Variants in PDE4D observed in about 807,000 individuals in gnomAD.
PDE4D encodes the protein 3',5'-cyclic-AMP phosphodiesterase 4D.
PDE4D carries 24 observed loss-of-function variants against 87.4 expected under a neutral mutation model. The observed-to-expected ratio is 0.27, with a 90% CI of 0.20 to 0.39. The LOEUF is 0.39. PDE4D is among the 10% of genes least tolerant of loss of function. The probability of loss-of-function intolerance (pLI) is 1.00; values close to 1 mark genes in which losing one functional copy is unlikely to be tolerated. For synonymous variants in PDE4D, 384 were observed against 383.2 expected, an observed-to-expected ratio of 1.00 and a Z score of -0.02; for missense variants, 714 against 1,041.0, an observed-to-expected ratio of 0.69 and a Z score of 4.32.
chr5:59,181,498 AAT>A (rs1483260226), intron 4 of PDE4D, among the ~76,000 whole-genome samples: 2 of 147,530 alleles, frequency 1.4e-5, no homozygotes, highest in African/African-American at 5.1e-5. Flanking sequence ...CAGCTTTTAA[AAT>A]ATAATGATTA....
At chr5:59,559,552 G>A (rs1282851730) in intron 1 of PDE4D, among the ~76,000 whole-genome samples, 1 of 152,158 alleles carries the variant, frequency 6.6e-6, no homozygotes, top group African/African-American at 2.4e-5. Flanking sequence ...CCACAGATAT[G>A]AGCGTGAATG....
At chr5:60,368,122 G>C (rs1760711606) in intron 1 of PDE4D, among the ~76,000 whole-genome samples, 1 of 152,112 alleles carries the variant, frequency 6.6e-6, no homozygotes, top group African/African-American at 2.4e-5. Flanking sequence ...TCTCCATTAT[G>C]CTCATAAACT....
intron 1 of PDE4D, chr5:59,796,967 T>C (rs1468555236): frequency 1.3e-5 from 2 of 152,064 alleles, no homozygotes; most frequent in East Asian, 3.8e-4. Flanking sequence ...CCTGTCGCAA[T>C]ACCAAATCAC....
chr5:60,118,147 A>G (rs185371908), intron 2 of PDE4D, among the ~76,000 whole-genome samples: 4 of 152,260 alleles, frequency 2.6e-5, no homozygotes, highest in Admixed American at 6.6e-5. Flanking sequence ...TCTATTTTCT[A>G]AAAGTGAGCA....
At chr5:59,933,175 T>C (rs1756164036) in intron 3 of PDE4D, among the ~76,000 whole-genome samples, 1 of 152,208 alleles carries the variant, frequency 6.6e-6, no homozygotes, top group African/African-American at 2.4e-5. Context: ...CTCAGATTAA[T>C]TCAGTGGATT....
chr5:59,496,668 T>C (rs1807269645), intron 1 of PDE4D, among the ~76,000 whole-genome samples: 1 of 151,942 alleles, frequency 6.6e-6, no homozygotes, highest in Admixed American at 6.5e-5. Context: ...GGTCAAAGGT[T>C]GGGTCAAAGG....
intron 2 of PDE4D, among the ~76,000 whole-genome samples, chr5:60,112,094 C>T (rs1777744865): frequency 6.6e-6 from 1 of 151,986 alleles, no homozygotes; most frequent in African/African-American, 2.4e-5. Flanking sequence ...TCATGCTTTA[C>T]AAGTAGAATC....
chr5:59,446,683 T>C (rs1798397763), intron 1 of PDE4D, among the ~76,000 whole-genome samples: 1 of 152,208 alleles, frequency 6.6e-6, no homozygotes, highest in Non-Finnish European at 1.5e-5. Context: ...ACAATGGCAA[T>C]ATCCTTGAGA....
At chr5:59,594,375 C>T (rs1826362527) in intron 1 of PDE4D, among the ~76,000 whole-genome samples, 2 of 151,626 alleles carry the variant, frequency 1.3e-5, no homozygotes, top group South Asian at 4.2e-4. Context: ...GGCTGGAATG[C>T]AGTGGCACAA....
At chr5:60,361,943 C>T (rs991087581) in intron 1 of PDE4D, among the ~76,000 whole-genome samples, 5 of 152,232 alleles carry the variant, frequency 3.3e-5, no homozygotes, top group Admixed American at 2.0e-4. Flanking sequence ...GACCATGTCA[C>T]AGCCCAGACT....
At position 59,571,012 on chromosome 5, in the gene PDE4D, A is replaced by G. The variant is rs146423939; in HGVS notation, c.455+322156T>C. ...TACTAATTCATACACATGCCCAACA[A>G]ATAACTACCGTTTCCAGTCTTCATG... On this transcript the variant is annotated intron_variant, in intron 1 of 14. Transcript: ENST00000340635. Among the ~76,000 whole-genome samples, 53 of 152,288 alleles carry G rather than the reference A, an allele frequency of 3.5e-4. No homozygotes were observed. In the East Asian group the frequency reaches 9.6e-3, roughly 28 times the overall value.
At chr5:59,275,980 T>C in intron 1 of PDE4D, 1 of 985,274 alleles carries the variant, frequency 1.0e-6, no homozygotes, top group Non-Finnish European at 1.2e-6. Context: ...CCTGCGAAAG[T>C]AATTTCTGTG....
intron 1 of PDE4D, among the ~76,000 whole-genome samples, chr5:59,292,768 C>T (rs1434155039): frequency 6.6e-6 from 1 of 151,966 alleles, no homozygotes; most frequent in Non-Finnish European, 1.5e-5. Flanking sequence ...GTTTCATAGC[C>T]CCATGAGACG....
chr5:58,993,503 GA>G, intron 6 of PDE4D, 38 bp from the exon 7 acceptor site: 5 of 1,317,084 alleles, frequency 3.8e-6, no homozygotes, highest in Non-Finnish European at 5.4e-6. Context: ...AATAGAAGAG[GA>G]AAATTTAAGT....
chr5:60,041,332 C>T (rs1188325679), intron 2 of PDE4D, among the ~76,000 whole-genome samples: 3 of 152,134 alleles, frequency 2.0e-5, no homozygotes, highest in African/African-American at 7.2e-5. Flanking sequence ...AAAATCACTT[C>T]TTGTCATGTT....
At chr5:60,218,630 G>C (rs1428744629) in intron 1 of PDE4D, among the ~76,000 whole-genome samples, 2 of 152,134 alleles carry the variant, frequency 1.3e-5, no homozygotes, top group East Asian at 1.9e-4. Context: ...ATTTCAAATG[G>C]AAAGTCTGTG....
At chr5:59,509,306 T>G (rs1358789147) in intron 1 of PDE4D, among the ~76,000 whole-genome samples, 1 of 151,536 alleles carries the variant, frequency 6.6e-6, no homozygotes, top group Non-Finnish European at 1.5e-5. Context: ...ACCTTCCAAG[T>G]CTAAGCACAA....
At chr5:60,253,755 C>A (rs116557829) in intron 1 of PDE4D, among the ~76,000 whole-genome samples, 2,135 of 151,944 alleles carry the variant, frequency 0.014, 62 homozygotes, top group African/African-American at 0.048. Flanking sequence ...GTACTAAAGT[C>A]AAGAGTATGA....
chr5:59,451,647 T>C (rs1478457902), intron 1 of PDE4D, among the ~76,000 whole-genome samples: 1 of 152,210 alleles, frequency 6.6e-6, no homozygotes, highest in African/African-American at 2.4e-5. Context: ...TACCAAGACA[T>C]GCAGACTCCA....
Sources: allele counts gnomAD v4.1 joint callset (sites outside exome capture counted in the v4.1 genomes callset), GRCh38; gene constraint gnomAD v4.1.1; transcripts MANE v1.5; gene names NCBI Gene and HGNC (gene_info 2026-07-23, HGNC 2026-07-21).